Variants in PARD3 observed in about 807,000 individuals in gnomAD.
PARD3 encodes the protein par-3 family cell polarity regulator.
In PARD3, 75 loss-of-function variants were observed where a neutral mutation model predicts 155.4. The ratio of observed to expected loss-of-function variants is 0.48; its 90% CI spans 0.40 to 0.58. PARD3 has a LOEUF of 0.58. Among genes scored for constraint, PARD3 ranks in the 20% least tolerant of loss-of-function variants. The probability of loss-of-function intolerance (pLI) is 0.00; values close to 1 mark genes in which losing one functional copy is unlikely to be tolerated. For synonymous variants in PARD3, 576 were observed against 610.5 expected (o/e 0.94, Z 0.83); for missense variants, 1,642 against 1,721.7 (o/e 0.95, Z 0.82).
rs1780576 is a variant in PARD3 at position 34,554,398 on chromosome 10, C to T, written c.223-37239G>A. ...GTTAGTAATGAAGTGTTGACAAATGCTTTCAATGTATTAAGAATGTGAAAG... is the reference window on the plus strand; with the variant it reads ...GTTAGTAATGAAGTGTTGACAAATGTTTTCAATGTATTAAGAATGTGAAAG... On this transcript the variant is annotated intron_variant, in intron 2 of 24. Transcript: ENST00000374788. 8.9e-3 allele frequency among the ~76,000 whole-genome samples: 1,349 copies of T among 152,276 alleles called. 13 individuals carry two copies. Among genetic ancestry groups the T allele is most frequent in the Non-Finnish European group, 0.014 (966 of 68,010 alleles).
intron 5 of PARD3, among the ~76,000 whole-genome samples, chr10:34,428,837 AAC>A (rs770776751): frequency 6.6e-5 from 10 of 152,224 alleles, no homozygotes; most frequent in Non-Finnish European, 8.8e-5. Context: ...AGCTTGCACA[AAC>A]ACACAAATAT....
intron 2 of PARD3, among the ~76,000 whole-genome samples, chr10:34,601,807 C>T (rs1307719623): frequency 6.6e-6 from 1 of 152,170 alleles, no homozygotes; most frequent in African/African-American, 2.4e-5. Flanking sequence ...TGTCATTCTA[C>T]ATGGGCCCTT....
chr10:34,779,331 C>T (rs932881839), intron 1 of PARD3, among the ~76,000 whole-genome samples: 16 of 142,690 alleles, frequency 1.1e-4, no homozygotes, highest in Middle Eastern at 5.4e-3. Flanking sequence ...ATAAAGCAGC[C>T]GGGCGCGGTG....
At position 34,284,162 on chromosome 10, in the gene PARD3, C is replaced by T; in HGVS notation, c.3149G>A (p.Arg1050Lys). 1 of 1,601,354 alleles carries T rather than the reference C, an allele frequency of 6.2e-7. No homozygotes were observed. Among genetic ancestry groups the T allele is most frequent in the African/African-American group, 1.3e-5 (1 of 74,226 alleles). ...IQESFTSEEE[R>K]IRMKQEQERI... ...CTCCTGCTCCTGCTTCATTCGTATCCTCTCCTCTTCTGATGTAAAGGATTC... is the reference window on the plus strand; with the variant it reads ...CTCCTGCTCCTGCTTCATTCGTATCTTCTCCTCTTCTGATGTAAAGGATTC... Residue 1050 changes from arginine (R) to lysine (K), a missense_variant, in exon 21 of 25, where the codon AGG becomes AAG. Arg to Lys is a conservative substitution (Grantham distance 26, BLOSUM62 2). Coordinates refer to ENST00000374788, the MANE Select transcript of PARD3 (RefSeq NM_001184785.2).
At chr10:34,621,208 T>G (rs945087283) in intron 2 of PARD3, among the ~76,000 whole-genome samples, 22 of 150,992 alleles carry the variant, frequency 1.5e-4, no homozygotes, top group Non-Finnish European at 2.5e-4. Context: ...TTTTTGGGGG[T>G]TTTTTTTGTT....
At chr10:34,456,080 A>C (rs2132871001) in intron 4 of PARD3, among the ~76,000 whole-genome samples, 1 of 152,362 alleles carries the variant, frequency 6.6e-6, no homozygotes, top group South Asian at 2.1e-4. Flanking sequence ...TTTTTATAAC[A>C]GAACTATGGC....
intron 22 of PARD3, among the ~76,000 whole-genome samples, chr10:34,215,859 A>G (rs624056): frequency 0.3 from 44,939 of 152,126 alleles, 8,122 homozygotes; most frequent in Non-Finnish European, 0.39. Context: ...TACTTAAAAT[A>G]CTGTTAGCAT....
At chr10:34,113,683 C>A (rs1268743458) in intron 24 of PARD3, among the ~76,000 whole-genome samples, 1 of 152,106 alleles carries the variant, frequency 6.6e-6, no homozygotes, top group African/African-American at 2.4e-5. Context: ...AACTAAGCAT[C>A]CAGCTGGGCA....
At chr10:34,191,587 C>T (rs949770516) in intron 22 of PARD3, among the ~76,000 whole-genome samples, 1 of 135,082 alleles carries the variant, frequency 7.4e-6, no homozygotes, top group Non-Finnish European at 1.5e-5. Context: ...TGTCACCAGC[C>T]AGAAGATGCT....
chr10:34,568,209 A>G (rs1352985603), intron 2 of PARD3, among the ~76,000 whole-genome samples: 1 of 152,234 alleles, frequency 6.6e-6, no homozygotes, highest in Non-Finnish European at 1.5e-5. Flanking sequence ...CTGCTGGAAT[A>G]TCACTGACCA....
intron 14 of PARD3, among the ~76,000 whole-genome samples, chr10:34,352,080 G>A (rs183602456): frequency 7.0e-4 from 106 of 152,216 alleles, no homozygotes; most frequent in Non-Finnish European, 1.3e-3. Flanking sequence ...TTCTCTACTG[G>A]CACTAAGAAA....
chr10:34,344,330 T>C, intron 15 of PARD3: 1 of 934,188 alleles, frequency 1.1e-6, no homozygotes. Flanking sequence ...TTGCCCAGGC[T>C]GGAGTGCTGT....
At chr10:34,289,058 T>A (rs1308950907) in intron 20 of PARD3, among the ~76,000 whole-genome samples, 1 of 151,974 alleles carries the variant, frequency 6.6e-6, no homozygotes, top group Non-Finnish European at 1.5e-5. Context: ...CCTCCTGGGC[T>A]CATGCCTTCT....
chr10:34,677,458 C>T (rs375674574), intron 2 of PARD3, among the ~76,000 whole-genome samples: 1 of 147,194 alleles, frequency 6.8e-6, no homozygotes, highest in African/African-American at 2.5e-5. Flanking sequence ...CCAGCCTGGG[C>T]AACAGATCTA....
chr10:34,286,222 T>C (rs1240777761), intron 20 of PARD3, among the ~76,000 whole-genome samples: 1 of 152,186 alleles, frequency 6.6e-6, no homozygotes, highest in Non-Finnish European at 1.5e-5. Context: ...AACTTCACAC[T>C]CATTCATCAG....
At chr10:34,230,368 G>C (rs562396429) in intron 22 of PARD3, among the ~76,000 whole-genome samples, 2 of 152,186 alleles carry the variant, frequency 1.3e-5, no homozygotes, top group East Asian at 3.9e-4. Flanking sequence ...CCAGACCTCT[G>C]CATGAAGGCA....
chr10:34,601,199 G>A (rs1013222855), intron 2 of PARD3, among the ~76,000 whole-genome samples: 1 of 150,972 alleles, frequency 6.6e-6, no homozygotes, highest in Non-Finnish European at 1.5e-5. Context: ...GGCAGGAGAA[G>A]GATCACGCCT....
chr10:34,113,716 G>A (rs1478353839), intron 24 of PARD3, among the ~76,000 whole-genome samples: 1 of 152,150 alleles, frequency 6.6e-6, no homozygotes, highest in African/African-American at 2.4e-5. Flanking sequence ...CTTAGGCTTA[G>A]AGCAACGTAG....
chr10:34,710,746 G>A (rs954403960), intron 1 of PARD3, among the ~76,000 whole-genome samples: 3 of 152,192 alleles, frequency 2.0e-5, no homozygotes, highest in South Asian at 4.1e-4. Context: ...CTGAGACAGA[G>A]AAGATGCTCA....
Sources: gnomAD v4.1 joint callset for allele counts (sites outside exome capture counted in the v4.1 genomes callset) on GRCh38, gnomAD v4.1.1 for gene constraint, MANE v1.5 for transcripts, NCBI Gene and HGNC (gene_info 2026-07-23, HGNC 2026-07-21) for gene names.